OSMR: variants seen among roughly 807,000 people sequenced by gnomAD.
OSMR encodes the protein oncostatin M receptor.
A neutral mutation model predicts 99.9 loss-of-function variants in OSMR; 81 were observed. That is an observed-to-expected ratio of 0.81 (90% CI 0.68 to 0.97). OSMR has a LOEUF of 0.97. Ranked by LOEUF, OSMR falls within the 50% of genes least tolerant of loss-of-function variation. The probability of loss-of-function intolerance (pLI) is 0.00; values close to 1 mark genes in which losing one functional copy is unlikely to be tolerated. For missense variants in OSMR, 1,099 were observed against 1,153.4 expected (o/e 0.95, Z 0.68); for synonymous variants, 406 against 410.4 (o/e 0.99, Z 0.13).
chr5:38,890,348 A>C (rs1241943824), intron 7 of OSMR, among the ~76,000 whole-genome samples: 1 of 152,200 alleles, frequency 6.6e-6, no homozygotes, highest in East Asian at 1.9e-4. Context: ...CAAAATTTTT[A>C]TGCCAGGCAG....
intron 7 of OSMR, 80 bp downstream of exon 7, chr5:38,886,270 T>C (rs1561369008): frequency 6.2e-7 from 1 of 1,608,562 alleles, no homozygotes; most frequent in South Asian, 1.1e-5. Flanking sequence ...GTAAATGTGC[T>C]GTAGATCTTT....
Position 38,925,243 on chromosome 5 carries a change from A to T in OSMR, c.2084A>T (p.Glu695Val). The change falls in exon 15 of 18, where the codon GAA becomes GTA. Residue 695 changes from glutamate (E) to valine (V), a missense_variant. Physicochemically the swap from Glu to Val is moderately radical, Grantham distance 121. Transcript: ENST00000274276. ...TGCAAATACAAAATTGACAACCCGG[A>T]AGAAAAGGCATTGATTGTGGACAAC... is the stretch of plus-strand genomic sequence containing the variant. ...ECCKYKIDNP[E>V]EKALIVDNLK... is the part of the protein sequence containing the mutation. 1 of 1,614,100 alleles carries T rather than the reference A, an allele frequency of 6.2e-7. No individual in the cohort carries two copies. Among genetic ancestry groups the T allele is most frequent in the Non-Finnish European group, 8.5e-7 (1 of 1,179,968 alleles).
At chr5:38,935,916 T>TAACA (rs1402792293), downstream of OSMR, among the ~76,000 whole-genome samples, 1 of 152,184 alleles carries the variant, frequency 6.6e-6, no homozygotes, top group African/African-American at 2.4e-5. Flanking sequence ...CTGGGCTCTG[T>TAACA]AACATTTGTC....
intron 7 of OSMR, among the ~76,000 whole-genome samples, chr5:38,892,736 C>T (rs1377567048): frequency 1.3e-5 from 2 of 152,098 alleles, no homozygotes; most frequent in South Asian, 2.1e-4. Flanking sequence ...GGCTTTCAAC[C>T]ACATTGTGGA....
At chr5:38,929,309 T>G (rs144724053) in intron 15 of OSMR, among the ~76,000 whole-genome samples, 1 of 152,232 alleles carries the variant, frequency 6.6e-6, no homozygotes, top group Non-Finnish European at 1.5e-5. Flanking sequence ...TTTCTCTTTG[T>G]AAATTGGTTT....
chr5:38,913,410 C>G (rs527785859), intron 9 of OSMR, among the ~76,000 whole-genome samples: 2 of 151,842 alleles, frequency 1.3e-5, no homozygotes, highest in African/African-American at 4.8e-5. Flanking sequence ...ATCAGCCAGG[C>G]GTGGTGGTGG....
chr5:38,893,172 A>G (rs1744268943), intron 7 of OSMR, among the ~76,000 whole-genome samples: 1 of 152,226 alleles, frequency 6.6e-6, no homozygotes, highest in African/African-American at 2.4e-5. Flanking sequence ...AGGCCAAGCC[A>G]TGCAGCTCCA....
At chr5:38,931,357 T>A (rs914411837) in intron 15 of OSMR, among the ~76,000 whole-genome samples, 1 of 151,844 alleles carries the variant, frequency 6.6e-6, no homozygotes, top group Non-Finnish European at 1.5e-5. Context: ...TTCAGTCAGG[T>A]TCAGATTTGT....
At chr5:38,945,369 G>A, downstream of OSMR, 1 of 675,142 alleles carries the variant, frequency 1.5e-6, no homozygotes, top group Non-Finnish European at 2.6e-6. Flanking sequence ...TGGCATATCA[G>A]TGTGCTGCAG....
At chr5:38,893,216 T>C (rs927750688) in intron 7 of OSMR, among the ~76,000 whole-genome samples, 2 of 152,214 alleles carry the variant, frequency 1.3e-5, no homozygotes, top group Non-Finnish European at 2.9e-5. Flanking sequence ...CCTAGGGCTA[T>C]AGGTGCAAAG....
Position 38,933,606 on chromosome 5 carries a change from G to A in OSMR, c.*162G>A, listed in dbSNP as rs914455201. On this transcript the variant is annotated 3_prime_UTR_variant, in exon 18 of 18. Transcript: ENST00000274276. ...GGCTAGGTTAAAGGCCAGAGGCTAT[G>A]GAACTTAACACTCCCCATTGGAGCA... 1.1e-5 allele frequency: 8 copies of A among 732,246 alleles called. No individual in the cohort carries two copies. The highest frequency in any genetic ancestry group is 1.6e-5 in the Non-Finnish European group (7 of 434,600). The allele number at this position is 732,246 out of a possible 1,614,324, so 45.4% of individuals were successfully genotyped here. A position where few individuals can be genotyped will look rare whatever the true frequency, so the allele number is the denominator to read the frequency against.
intron 2 of OSMR, among the ~76,000 whole-genome samples, chr5:38,872,683 A>T (rs571104975): frequency 2.6e-5 from 4 of 152,348 alleles, no homozygotes; most frequent in African/African-American, 9.6e-5. Context: ...AAGTATAAAG[A>T]AGAAAATTAA....
chr5:38,911,352 A>G (rs528788161), intron 9 of OSMR, among the ~76,000 whole-genome samples: 1 of 152,278 alleles, frequency 6.6e-6, no homozygotes, highest in African/African-American at 2.4e-5. Flanking sequence ...ACAGCCTCTC[A>G]AGATTGAACC....
rs560134992 is a variant in OSMR, at chr5:38,875,296, C to T, written c.74-905C>T. Among the ~76,000 whole-genome samples the T allele has an allele frequency of 8.5e-4, 130 of 152,298 alleles. 1 individual carries two copies. Among genetic ancestry groups the T allele is most frequent in the South Asian group, 1.4e-3 (7 of 4,828 alleles). ...TTTACAATCTATATGGTGTTTTCCTCCTCTTAAGTGGAAAGTCATGATTTG... is the reference window on the plus strand; with the variant it reads ...TTTACAATCTATATGGTGTTTTCCTTCTCTTAAGTGGAAAGTCATGATTTG... On this transcript the variant is annotated intron_variant, in intron 2 of 17. Transcript: ENST00000274276.
At chr5:38,915,292 A>C (rs1324612352) in intron 9 of OSMR, among the ~76,000 whole-genome samples, 2 of 152,228 alleles carry the variant, frequency 1.3e-5, no homozygotes, top group Non-Finnish European at 2.9e-5. Flanking sequence ...CAGCACTGGG[A>C]TATGTATTTT....
chr5:38,873,752 T>G (rs1040758586), intron 2 of OSMR, among the ~76,000 whole-genome samples: 1 of 152,232 alleles, frequency 6.6e-6, no homozygotes, highest in Non-Finnish European at 1.5e-5. Context: ...ATTGAACATC[T>G]TTTCATGTGC....
intron 1 of OSMR, among the ~76,000 whole-genome samples, chr5:38,856,828 A>T (rs1046834719): frequency 1.3e-5 from 2 of 152,090 alleles, no homozygotes; most frequent in Non-Finnish European, 1.5e-5. Flanking sequence ...TTATTTGTAG[A>T]GATGGATCTT....
chr5:38,896,236 A>G (rs982957495), intron 7 of OSMR, among the ~76,000 whole-genome samples: 7 of 151,988 alleles, frequency 4.6e-5, no homozygotes, highest in Admixed American at 1.3e-4. Context: ...GATTGCTTTG[A>G]GTAGAATGGA....
chr5:38,876,136 T>C, intron 2 of OSMR, 65 bp from the exon 3 acceptor site: 1 of 1,583,218 alleles, frequency 6.3e-7, no homozygotes, highest in South Asian at 1.1e-5. Context: ...CAAGTTTAAT[T>C]ATTTCTGACT....
Sources: gnomAD v4.1 joint callset for allele counts (sites outside exome capture counted in the v4.1 genomes callset) on GRCh38, gnomAD v4.1.1 for gene constraint, MANE v1.5 for transcripts, NCBI Gene and HGNC (gene_info 2026-07-23, HGNC 2026-07-21) for gene names.